CSMD2: variants seen among roughly 807,000 people sequenced by gnomAD.
CSMD2 encodes the protein CUB and sushi domain-containing protein 2.
In CSMD2, 130 loss-of-function variants were observed where a neutral mutation model predicts 398.5. The ratio of observed to expected loss-of-function variants is 0.33; its 90% CI spans 0.28 to 0.38. The LOEUF (loss-of-function observed/expected upper bound fraction) is 0.38. Ranked by LOEUF, CSMD2 falls within the 10% of genes least tolerant of loss-of-function variation. The pLI is 1.00. For synonymous variants in CSMD2, 1,828 were observed against 1,908.5 expected (o/e 0.96, Z 1.10); for missense variants, 3,829 against 4,764.9 (o/e 0.80, Z 5.78).
chr1:33,550,307 C>T lies in CSMD2; in HGVS notation c.8787G>A (p.Met2929Ile). ...GHPGSPPHSQ[M>I]SGDSYTVGAV... ...CTCCCACAGTATAACTGTCTCCAGACATCTGGGAGTGAGGCGGGGAGCCCG... is the reference window on the plus strand; with the variant it reads ...CTCCCACAGTATAACTGTCTCCAGATATCTGGGAGTGAGGCGGGGAGCCCG... Residue 2929 changes from methionine (M) to isoleucine (I), a missense_variant, in exon 56 of 71, where the codon ATG (methionine) becomes ATA (isoleucine). Around this residue, in one of 5 missense-constraint regions of CSMD2, gnomAD observed 917 missense variants for 1,199.5 expected, o/e 0.76. Coordinates refer to ENST00000373381, the MANE Select transcript of CSMD2 (RefSeq NM_001281956.2). The T allele has an allele frequency of 1.9e-6, 3 of 1,614,194 alleles. No homozygotes were observed. The highest frequency in any genetic ancestry group is 2.2e-5 in the East Asian group (1 of 44,884).
intron 14 of CSMD2, among the ~76,000 whole-genome samples, chr1:33,740,852 C>T (rs1056690616): frequency 1.3e-5 from 2 of 152,222 alleles, no homozygotes; most frequent in Admixed American, 1.3e-4. Flanking sequence ...CGCACACACA[C>T]AAGCGCAAAT....
At chr1:33,572,319 A>G (rs926221413) in intron 50 of CSMD2, among the ~76,000 whole-genome samples, 187 bp downstream of exon 50, 1 of 152,054 alleles carries the variant, frequency 6.6e-6, no homozygotes, top group Non-Finnish European at 1.5e-5. Flanking sequence ...CTTAGGGCAC[A>G]ATGGTTATCA....
chr1:34,034,982 G>T (rs1180528070), intron 2 of CSMD2, among the ~76,000 whole-genome samples: 1 of 152,114 alleles, frequency 6.6e-6, no homozygotes. Context: ...ATATAAAAAT[G>T]TGAAAACTGA....
chr1:33,579,621 G>A (rs1345292913), intron 48 of CSMD2, among the ~76,000 whole-genome samples: 1 of 152,002 alleles, frequency 6.6e-6, no homozygotes, highest in Non-Finnish European at 1.5e-5. Context: ...ATGGACTGTG[G>A]CAAGTGGGAC....
At chr1:33,756,906 C>A (rs1454921213) in intron 13 of CSMD2, among the ~76,000 whole-genome samples, 1 of 152,040 alleles carries the variant, frequency 6.6e-6, no homozygotes, top group South Asian at 2.1e-4. Context: ...TGGAACCAAC[C>A]CAAATGTCCA....
At chr1:33,710,719 C>A (rs1253129422) in intron 21 of CSMD2, among the ~76,000 whole-genome samples, 1 of 150,914 alleles carries the variant, frequency 6.6e-6, no homozygotes, top group African/African-American at 2.4e-5. Flanking sequence ...AAGCCAGGAG[C>A]GTACTAGGCT....
intron 13 of CSMD2, among the ~76,000 whole-genome samples, chr1:33,763,488 G>A (rs1324477181): frequency 1.3e-5 from 2 of 152,180 alleles, no homozygotes; most frequent in African/African-American, 4.8e-5. Context: ...TTTAGACCAC[G>A]CAGGGCCACC....
chr1:33,638,676 C>T (rs1362165309), intron 29 of CSMD2, among the ~76,000 whole-genome samples: 4 of 152,216 alleles, frequency 2.6e-5, no homozygotes, highest in African/African-American at 4.8e-5. Flanking sequence ...CAGCTCCTGT[C>T]GTCTCTATGC....
intron 2 of CSMD2, among the ~76,000 whole-genome samples, chr1:34,044,991 TAGTA>T (rs762300149): frequency 1.3e-5 from 2 of 151,730 alleles, no homozygotes; most frequent in African/African-American, 2.4e-5. Flanking sequence ...AGGCATCATC[TAGTA>T]ATTTGCAGGT....
In CSMD2 at chr1:34,005,132, C is replaced by G. The variant is rs186490092; in HGVS notation, c.517+27462G>C. On this transcript the variant is annotated intron_variant, in intron 3 of 70. Coordinates refer to ENST00000373381, the MANE Select transcript of CSMD2 (RefSeq NM_001281956.2). ...TCTCAATAAGAAAGCTAATTAGATA[C>G]GAGAGAGAGAAATCTTCCCAGAGTA... Among the ~76,000 whole-genome samples, 187 of 152,252 alleles carry G rather than the reference C, an allele frequency of 1.2e-3. 2 individuals carry two copies. Among genetic ancestry groups the G allele is most frequent in the Admixed American group, 9.5e-3 (145 of 15,304 alleles).
chr1:33,802,914 T>C (rs543028608), intron 10 of CSMD2, among the ~76,000 whole-genome samples: 2 of 152,162 alleles, frequency 1.3e-5, no homozygotes, highest in Admixed American at 1.3e-4. Flanking sequence ...CCCCAAACTT[T>C]CTCTCTATCT....
intron 2 of CSMD2, among the ~76,000 whole-genome samples, chr1:34,082,655 G>C (rs1319383855): frequency 6.6e-6 from 1 of 152,256 alleles, no homozygotes; most frequent in Non-Finnish European, 1.5e-5. Flanking sequence ...GGGGAAAAGA[G>C]AGATCAGATT....
chr1:34,059,348 G>A (rs1654208762), intron 2 of CSMD2, among the ~76,000 whole-genome samples: 1 of 152,106 alleles, frequency 6.6e-6, no homozygotes, highest in African/African-American at 2.4e-5. Context: ...ACAGCTTTTT[G>A]CTAGATGTGC....
chr1:33,712,334 C>G (rs1321910988), intron 21 of CSMD2, among the ~76,000 whole-genome samples: 1 of 152,112 alleles, frequency 6.6e-6, no homozygotes, highest in Non-Finnish European at 1.5e-5. Context: ...CCCCGCCACC[C>G]ACGTCACACC....
intron 60 of CSMD2, among the ~76,000 whole-genome samples, chr1:33,538,738 A>G (rs1436610125): frequency 1.3e-5 from 2 of 152,200 alleles, no homozygotes; most frequent in Non-Finnish European, 2.9e-5. Context: ...GATGCCAATT[A>G]AAGTAATGAG....
At chr1:33,849,204 T>C (rs1046688080) in intron 5 of CSMD2, among the ~76,000 whole-genome samples, 1 of 152,142 alleles carries the variant, frequency 6.6e-6, no homozygotes, top group African/African-American at 2.4e-5. Flanking sequence ...TGGACACAAA[T>C]GTTGGGCAGT....
intron 5 of CSMD2, among the ~76,000 whole-genome samples, chr1:33,916,326 T>G (rs1643720271): frequency 1.3e-5 from 2 of 152,222 alleles, no homozygotes; most frequent in Admixed American, 1.3e-4. Context: ...CATACCTTTG[T>G]AGATTTTCCA....
upstream of CSMD2, chr1:34,165,595 C>A: frequency 1.4e-6 from 1 of 712,654 alleles, no homozygotes; most frequent in Admixed American, 2.4e-5. Flanking sequence ...CACACACACA[C>A]ACAAACACAC....
chr1:33,700,831 G>A (rs368442376), intron 22 of CSMD2, among the ~76,000 whole-genome samples, 158 bp from the exon 23 acceptor site: 5 of 152,220 alleles, frequency 3.3e-5, no homozygotes, highest in African/African-American at 1.2e-4. Flanking sequence ...GCAGAGGGAA[G>A]CTATCAACTG....
Sources: allele counts gnomAD v4.1 joint callset (sites outside exome capture counted in the v4.1 genomes callset), GRCh38; gene constraint gnomAD v4.1.1; regional missense constraint gnomAD v4.1.1; transcripts MANE v1.5; gene names NCBI Gene and HGNC (gene_info 2026-07-23, HGNC 2026-07-21).